The following EP400 variants were observed in gnomAD, a reference collection of about 807,000 sequenced individuals.
EP400 encodes E1A binding protein p400, also known as E1A-binding protein p400.
Under a neutral mutation model 354.1 loss-of-function variants are expected in EP400, and 105 were observed. The observed-to-expected ratio is 0.30, with a 90% CI of 0.25 to 0.35. The LOEUF (loss-of-function observed/expected upper bound fraction) is 0.35, where lower values mean the gene tolerates loss of function less well. EP400 is among the 10% of genes least tolerant of loss of function. EP400 has a pLI of 1.00. For synonymous variants in EP400, 1,646 were observed against 1,716.9 expected, an observed-to-expected ratio of 0.96 and a Z score of 1.02; for missense variants, 3,280 against 4,121.0, an observed-to-expected ratio of 0.80 and a Z score of 5.59.
chr12:132,020,222 G>GGCAACA lies in EP400; in HGVS notation c.4447+4_4447+5insGCAACA. On this transcript the variant is annotated splice_donor_region_variant and intron_variant, in intron 22 of 52. Coordinates refer to ENST00000389561, the MANE Select transcript of EP400 (RefSeq NM_015409.5). ...TCTGCCAATCCGGAGGCAAAAGGTA[G>GGCAACA]ACTTCACGTAGTTGTCTGCTCTCCG... 1 of 1,598,656 alleles carries GGCAACA rather than the reference G, an allele frequency of 6.3e-7. No individual in the cohort carries two copies. Among genetic ancestry groups the GGCAACA allele is most frequent in the Non-Finnish European group, 8.5e-7 (1 of 1,172,648 alleles).
In EP400 at chr12:132,005,096, C is replaced by T; in HGVS notation, c.2847C>T (p.Asp949=). The change falls in exon 13 of 53, where the codon GAC becomes GAT. Residue 949 remains aspartate, a synonymous_variant. Coordinates refer to ENST00000389561, the MANE Select transcript of EP400 (RefSeq NM_015409.5). ...CTGCAGCTGAGCTGCCCCTCCTGGA[C>T]CTGATGAAGCTGTACGAAGGCGCCT... ...LAKEAELPLL[D]LMKLYEGAFL... 6.3e-7 allele frequency: 1 copy of T among 1,586,084 alleles called. No homozygotes were observed. The highest frequency in any genetic ancestry group is 1.8e-5 in the Admixed American group (1 of 55,492).
At position 132,037,934 on chromosome 12, in the gene EP400, C is replaced by G. The variant is rs1441791386; in HGVS notation, c.6064-19C>G. ...ACTTGGACCTTGTACTGGGGAGTAACACACATCTCTGTGTTCAGCGAACCA... is the reference window on the plus strand; with the variant it reads ...ACTTGGACCTTGTACTGGGGAGTAAGACACATCTCTGTGTTCAGCGAACCA... On this transcript the variant is annotated intron_variant, in intron 31 of 52. Transcript: ENST00000389561. The G allele has an allele frequency of 6.2e-7, 1 of 1,614,104 alleles. No individual in the cohort carries two copies. Among genetic ancestry groups the G allele is most frequent in the Admixed American group, 1.7e-5 (1 of 60,012 alleles).
rs1172640206 is a variant in EP400, at chr12:132,029,761, G to T, written c.5442G>T (p.Pro1814=). The T allele has an allele frequency of 3.1e-6, 5 of 1,613,310 alleles. No individual in the cohort carries two copies. The South Asian group carries it at 4.4e-5, about 14-fold the overall frequency. ...CCCCGTCCCTACGGGTGCCGCGGCC[G>T]CCACCCCTGTACAGCCACAGAATGA... ...AAPPSLRVPR[P]PPLYSHRMRI... The change falls in exon 28 of 53, where the codon CCG becomes CCT. Residue 1814 remains proline, a synonymous_variant. Coordinates refer to ENST00000389561, the MANE Select transcript of EP400 (RefSeq NM_015409.5). The surrounding 1 kb of genome is among the most constrained non-coding windows in gnomAD (Gnocchi z 4.7).
intron 50 of EP400, 135 bp from the exon 51 acceptor site, chr12:132,069,360 G>A: frequency 8.1e-7 from 1 of 1,242,108 alleles, no homozygotes; most frequent in Non-Finnish European, 1.1e-6. Context: ...GGAGATGTGG[G>A]TATGCACAGG....
chr12:132,015,889 C>T (rs1487268742), intron 19 of EP400, among the ~76,000 whole-genome samples: 3 of 152,122 alleles, frequency 2.0e-5, no homozygotes, highest in African/African-American at 7.2e-5. Flanking sequence ...CTCCCCCCTC[C>T]TCTTGCAGGG....
At chr12:132,037,223 T>C (rs558104087) in intron 30 of EP400, among the ~76,000 whole-genome samples, 23 of 152,206 alleles carry the variant, frequency 1.5e-4, no homozygotes, top group Admixed American at 1.2e-3. Context: ...GTGGGTCTGG[T>C]AGTGTACCGG....
intron 3 of EP400, 140 bp from the exon 4 acceptor site, chr12:131,981,349 T>C: frequency 3.1e-6 from 2 of 644,162 alleles, no homozygotes; most frequent in South Asian, 2.1e-5. Context: ...ATCAGCCTTA[T>C]GTTTTATGGC....
In EP400 at chr12:132,043,382, G is replaced by A; in HGVS notation, c.6286G>A (p.Ala2096Thr). 1 of 1,613,976 alleles carries A rather than the reference G, an allele frequency of 6.2e-7. No individual in the cohort carries two copies. Among genetic ancestry groups the A allele is most frequent in the Admixed American group, 1.7e-5 (1 of 60,032 alleles). Reference protein sequence around the residue: ...QEGVLGPHTDALSSDSENMPC... With the variant: ...QEGVLGPHTDTLSSDSENMPC... ...GGGGGTGCTGGGACCACACACTGAT[G>A]CTCTGTCATCAGACTCTGAGAACAT... Residue 2096 changes from alanine to threonine, a missense_variant, in exon 33 of 53, where the codon GCT becomes ACT. Transcript: ENST00000389561.
In EP400 at chr12:132,028,263, G is replaced by C. The variant is rs768200831; in HGVS notation, c.5356G>C (p.Glu1786Gln). ...ELMLTLCRCG[E>Q]SLQDVIDRVA... ...GATGTTGACGCTTTGTCGGTGTGGA[G>C]AGTCTCTGCAGGATGTTATTGACAG... Residue 1786 changes from glutamate to glutamine, a missense_variant, in exon 27 of 53, where the codon GAG becomes CAG. Around this residue, in one of 20 missense-constraint regions of EP400, gnomAD observed 459 missense variants for 496.9 expected, o/e 0.92. Transcript: ENST00000389561. 6.2e-7 allele frequency: 1 copy of C among 1,614,154 alleles called. No homozygotes were observed. Among genetic ancestry groups the C allele is most frequent in the Non-Finnish European group, 8.5e-7 (1 of 1,179,988 alleles).
At chr12:131,957,548 G>A (rs1457941382) in intron 1 of EP400, among the ~76,000 whole-genome samples, 1 of 133,116 alleles carries the variant, frequency 7.5e-6, no homozygotes, top group African/African-American at 2.8e-5. Flanking sequence ...TACATTAAAT[G>A]TAAAACTTGG....
At chr12:132,047,170 G>T (rs976141548) in intron 39 of EP400, among the ~76,000 whole-genome samples, 5 of 152,182 alleles carry the variant, frequency 3.3e-5, no homozygotes, top group Non-Finnish European at 7.3e-5. Flanking sequence ...TTGTCTCAAA[G>T]CATTTGTTTG....
At chr12:132,066,416 G>A (rs191196769) in intron 48 of EP400, 3 of 223,894 alleles carry the variant, frequency 1.3e-5, no homozygotes, top group Non-Finnish European at 1.7e-5. Flanking sequence ...TCGAGTGCTC[G>A]CTGAAGGAAC....
intron 2 of EP400, among the ~76,000 whole-genome samples, chr12:131,974,224 C>G (rs1196244622): frequency 6.6e-6 from 1 of 152,158 alleles, no homozygotes; most frequent in Non-Finnish European, 1.5e-5. Flanking sequence ...GGTAATCCGC[C>G]TACCTCAGCC....
chr12:132,067,437 A>C lies in EP400; in HGVS notation c.8825A>C (p.Lys2942Thr). ...AAGCAGCAGGCCGTCCAGCAGCAGA[A>C]GGCCATCCAGCCCCAGGCTGCACAG... is the stretch of plus-strand genomic sequence containing the variant. The part of the protein sequence containing the change: ...KLKQQAVQQQ[K>T]AIQPQAAQGP... The change falls in exon 50 of 53, where the codon AAG becomes ACG. Residue 2942 changes from lysine (K) to threonine (T), a missense_variant. By Grantham distance (78) the Lys-to-Thr change is moderately conservative. This residue lies in a region of EP400 where 279 missense variants were observed against 386.7 expected (regional missense o/e 0.72). Transcript: ENST00000389561. The surrounding 1 kb of genome is among the most constrained non-coding windows in gnomAD (Gnocchi z 5.3). The C allele has an allele frequency of 6.2e-7, 1 of 1,613,414 alleles. No homozygotes were observed.
intron 13 of EP400, among the ~76,000 whole-genome samples, 153 bp downstream of exon 13, chr12:132,005,337 A>C (rs775746634): frequency 2.6e-5 from 4 of 152,252 alleles, no homozygotes; most frequent in African/African-American, 9.6e-5. Context: ...ATAGAATTTT[A>C]TTAAATTCCG....
Position 132,017,858 on chromosome 12 carries a change from G to A in EP400, c.4110+137G>A, listed in dbSNP as rs1893996488. ...TTGCAGCTCCGCGATACATGGCACC[G>A]TCTAGCAGCACTGATGGCCTGCCAC... On this transcript the variant is annotated intron_variant, in intron 20 of 52. Coordinates refer to ENST00000389561, the MANE Select transcript of EP400 (RefSeq NM_015409.5). This position sits in a 1 kb window ranked among gnomAD's most constrained non-coding sequence, Gnocchi z 5.0. The A allele has an allele frequency of 1.1e-5, 11 of 1,017,804 alleles. No homozygotes were observed. Among genetic ancestry groups the A allele is most frequent in the South Asian group, 1.8e-5 (1 of 56,308 alleles). The allele number at this position is 1,017,804 out of a possible 1,614,324, so 63.0% of individuals were successfully genotyped here.
At chr12:131,959,622 C>G (rs1029736805) in intron 1 of EP400, among the ~76,000 whole-genome samples, 18 of 152,196 alleles carry the variant, frequency 1.2e-4, no homozygotes, top group Non-Finnish European at 2.2e-4. Flanking sequence ...GGTACAGCCT[C>G]CCAGAGAGTT....
Position 132,025,950 on chromosome 12 carries a change from G to T in EP400, c.5014+146G>T. On this transcript the variant is annotated intron_variant, in intron 25 of 52. Transcript: ENST00000389561. This position sits in a 1 kb window ranked among gnomAD's most constrained non-coding sequence, Gnocchi z 4.1. ...GGCCATCTCTGATTTCTATAGATGT[G>T]TCCTAGTGTCAGCCTGATTTATTTT... is the stretch of plus-strand genomic sequence containing the variant. 2 of 978,758 alleles carry T rather than the reference G, an allele frequency of 2.0e-6. No individual in the cohort carries two copies. The highest frequency in any genetic ancestry group is 1.4e-6 in the Non-Finnish European group (1 of 726,112). 60.6% of individuals were successfully genotyped at this position (978,758 alleles called of 1,614,324 possible). A position where few individuals can be genotyped will look rare whatever the true frequency, so the allele number is the denominator to read the frequency against.
intron 50 of EP400, chr12:132,068,526 C>T (rs1593388535): frequency 6.6e-6 from 1 of 152,322 alleles, no homozygotes; most frequent in South Asian, 2.1e-4. Context: ...GGGTGAAGCC[C>T]TGCTGGTGTG....
Sources: gnomAD v4.1 joint callset for allele counts (sites outside exome capture counted in the v4.1 genomes callset) on GRCh38, gnomAD v4.1.1 for gene constraint, gnomAD v4.1.1 regional missense constraint, Gnocchi (gnomAD v3.1) non-coding constraint, MANE v1.5 for transcripts, NCBI Gene and HGNC (gene_info 2026-07-23, HGNC 2026-07-21) for gene names.